Variants in CACNB2 observed in about 807,000 individuals in gnomAD.
The protein encoded by CACNB2 is calcium voltage-gated channel auxiliary subunit beta 2.
Under a neutral mutation model 73.3 loss-of-function variants are expected in CACNB2, and 42 were observed. The ratio of observed to expected loss-of-function variants is 0.57; its 90% CI spans 0.45 to 0.74. CACNB2 has a LOEUF of 0.74. CACNB2 is among the 30% of genes least tolerant of loss of function. CACNB2 has a pLI of 0.00. For synonymous variants in CACNB2, 348 were observed against 310.3 expected, an observed-to-expected ratio of 1.12 and a Z score of -1.28; for missense variants, 940 against 853.0, an observed-to-expected ratio of 1.10 and a Z score of -1.27.
chr10:18,387,396 G>A (rs1285854957), intron 2 of CACNB2, among the ~76,000 whole-genome samples: 1 of 152,112 alleles, frequency 6.6e-6, no homozygotes, highest in African/African-American at 2.4e-5. Flanking sequence ...ACTCGACTGG[G>A]AACCCCAATC....
At chr10:18,269,232 G>T (rs2037943683) in intron 2 of CACNB2, among the ~76,000 whole-genome samples, 2 of 152,128 alleles carry the variant, frequency 1.3e-5, no homozygotes, top group Non-Finnish European at 1.5e-5. Flanking sequence ...CCATTAATTT[G>T]TGCTAGCCTA....
intron 10 of CACNB2, among the ~76,000 whole-genome samples, chr10:18,529,032 A>G (rs2052740868): frequency 6.6e-6 from 1 of 152,082 alleles, no homozygotes; most frequent in Non-Finnish European, 1.5e-5. Context: ...GAGTCTCACT[A>G]TGTTGCCCAC....
intron 4 of CACNB2, 97 bp from the exon 5 acceptor site, chr10:18,500,715 G>T (rs1306156118): frequency 8.2e-7 from 1 of 1,216,648 alleles, no homozygotes; most frequent in South Asian, 1.2e-5. Flanking sequence ...CATAGTTAAT[G>T]GTCATTGCCA....
chr10:18,433,124 GAT>G (rs68101548), intron 3 of CACNB2, among the ~76,000 whole-genome samples: 123,213 of 148,488 alleles, frequency 0.83, 51,281 homozygotes, highest in African/African-American at 0.91. Context: ...TGCGTGTATT[GAT>G]ATATATATAT....
intron 1 of CACNB2, among the ~76,000 whole-genome samples, chr10:18,145,527 A>G (rs2030875432): frequency 6.6e-6 from 1 of 152,138 alleles, no homozygotes; most frequent in African/African-American, 2.4e-5. Flanking sequence ...TGTTGTTCTT[A>G]CAATATCATG....
rs552040742 is a variant in CACNB2, at chr10:18,328,179, C to A, written c.214-73745C>A. 2.1e-4 allele frequency among the ~76,000 whole-genome samples: 32 copies of A among 152,242 alleles called. No individual in the cohort carries two copies. In the South Asian group the frequency reaches 5.6e-3, roughly 27 times the overall value. On this transcript the variant is annotated intron_variant, in intron 2 of 13. Transcript: ENST00000324631. The stretch of plus-strand genomic sequence containing the variant: ...GGGTCAAGACTGAACAATGATGAAC[C>A]ATGCAGAGAAAAGAGGAGAATTTAC...
rs145941942 is a variant in CACNB2 at position 18,385,758 on chromosome 10, C to T, written c.214-16166C>T. 2.4e-3 allele frequency among the ~76,000 whole-genome samples: 356 copies of T among 148,862 alleles called. 3 individuals carry two copies. Among genetic ancestry groups the T allele is most frequent in the African/African-American group, 8.1e-3 (335 of 41,330 alleles). On this transcript the variant is annotated intron_variant, in intron 2 of 13. Coordinates refer to ENST00000324631, the MANE Select transcript of CACNB2 (RefSeq NM_201596.3). ...TTTCTGATGCTTTTTTCTTTTTAAC[C>T]TGTAAAATACATCTTGGAGATTATT...
At chr10:18,309,560 C>T (rs1481174536) in intron 2 of CACNB2, among the ~76,000 whole-genome samples, 5 of 152,108 alleles carry the variant, frequency 3.3e-5, no homozygotes, top group African/African-American at 9.7e-5. Flanking sequence ...CGGGTTCAAG[C>T]GATTCTCCTG....
intron 2 of CACNB2, among the ~76,000 whole-genome samples, chr10:18,373,158 C>T (rs1055728305): frequency 1.3e-5 from 2 of 152,098 alleles, no homozygotes; most frequent in Non-Finnish European, 2.9e-5. Context: ...TCAGGCTGCA[C>T]TGTCAGGAGG....
In CACNB2 at chr10:18,230,625, A is replaced by G. The variant is rs148067740; in HGVS notation, c.213+79650A>G. On this transcript the variant is annotated intron_variant, in intron 2 of 13. Transcript: ENST00000324631. Reference sequence around the variant, plus strand: ...CACGAGTTTTCTCTTGGAAAAATCTATAAATGATTACTGAAGTAAAATATG... The same window carrying G: ...CACGAGTTTTCTCTTGGAAAAATCTGTAAATGATTACTGAAGTAAAATATG... 2.0e-5 allele frequency among the ~76,000 whole-genome samples: 3 copies of G among 152,344 alleles called. No homozygotes were observed. The East Asian group carries it at 5.8e-4, about 29-fold the overall frequency.
At chr10:18,497,087 C>G (rs946139690) in intron 3 of CACNB2, among the ~76,000 whole-genome samples, 4 of 151,170 alleles carry the variant, frequency 2.6e-5, no homozygotes, top group Admixed American at 1.3e-4. Flanking sequence ...TGGCTCACGC[C>G]TATAATCCAA....
At chr10:18,304,511 T>C (rs1228092343) in intron 2 of CACNB2, among the ~76,000 whole-genome samples, 1 of 137,002 alleles carries the variant, frequency 7.3e-6, no homozygotes, top group Non-Finnish European at 1.7e-5. Flanking sequence ...GTGCTCTTTT[T>C]CACTCCATTT....
At chr10:18,182,333 A>AT (rs1044415835) in intron 2 of CACNB2, among the ~76,000 whole-genome samples, 21 of 151,088 alleles carry the variant, frequency 1.4e-4, no homozygotes, top group Admixed American at 1.3e-3. Flanking sequence ...TCAAAAAAAA[A>AT]TTTTTTTTTG....
chr10:18,304,076 C>A (rs1490265644), intron 2 of CACNB2, among the ~76,000 whole-genome samples: 1 of 152,214 alleles, frequency 6.6e-6, no homozygotes, highest in Non-Finnish European at 1.5e-5. Context: ...CTACCTCACC[C>A]TCCTGAGTAG....
At chr10:18,462,532 G>A (rs986948957) in intron 3 of CACNB2, among the ~76,000 whole-genome samples, 1 of 152,024 alleles carries the variant, frequency 6.6e-6, no homozygotes, top group Non-Finnish European at 1.5e-5. Flanking sequence ...TGGGATTATG[G>A]GCATGAACCA....
intron 2 of CACNB2, among the ~76,000 whole-genome samples, chr10:18,262,347 A>G (rs898292861): frequency 1.3e-5 from 2 of 152,176 alleles, no homozygotes; most frequent in Non-Finnish European, 2.9e-5. Flanking sequence ...AGATAACTAT[A>G]CTGTCAAACC....
intron 3 of CACNB2, among the ~76,000 whole-genome samples, chr10:18,492,635 A>AAAG (rs1554830140): frequency 9.2e-5 from 12 of 129,790 alleles, no homozygotes; most frequent in African/African-American, 4.0e-4. Flanking sequence ...AAAAAAAAAA[A>AAAG]AAAGAAAAAA....
chr10:18,220,225 A>AGAGGG (rs2035711871), intron 2 of CACNB2, among the ~76,000 whole-genome samples: 8 of 53,592 alleles, frequency 1.5e-4, no homozygotes, highest in East Asian at 7.4e-4. Flanking sequence ...ATATATATAT[A>AGAGGG]TATATATAGA....
chr10:18,364,450 A>G (rs2132242688), intron 2 of CACNB2, among the ~76,000 whole-genome samples: 1 of 151,808 alleles, frequency 6.6e-6, no homozygotes, highest in Admixed American at 6.6e-5. Context: ...ACAGGCACGC[A>G]ACACCACGCC....
Sources: allele counts gnomAD v4.1 joint callset (sites outside exome capture counted in the v4.1 genomes callset), GRCh38; gene constraint gnomAD v4.1.1; transcripts MANE v1.5; gene names NCBI Gene and HGNC (gene_info 2026-07-23, HGNC 2026-07-21).